The following FMN2 variants were observed in gnomAD, a reference collection of about 807,000 sequenced individuals.
FMN2 encodes the protein formin 2.
A neutral mutation model predicts 142.3 loss-of-function variants in FMN2; 51 were observed. The observed-to-expected ratio is 0.36, with a 90% CI of 0.29 to 0.45. The LOEUF is 0.45. Among genes scored for constraint, FMN2 ranks in the 20% least tolerant of loss-of-function variants. The pLI, the probability that FMN2 is intolerant of heterozygous loss-of-function variation, is 1.00. For synonymous variants in FMN2, 882 were observed against 869.8 expected (o/e 1.01, Z -0.25); for missense variants, 1,936 against 2,122.8 (o/e 0.91, Z 1.73).
chr1:240,285,780 A>G (rs1669569311), intron 7 of FMN2, among the ~76,000 whole-genome samples: 1 of 152,214 alleles, frequency 6.6e-6, no homozygotes, highest in African/African-American at 2.4e-5. Context: ...TGACTCAGTA[A>G]TCAGAGCAAA....
intron 15 of FMN2, among the ~76,000 whole-genome samples, chr1:240,411,448 G>A (rs1674386889): frequency 6.6e-6 from 1 of 151,938 alleles, no homozygotes; most frequent in Admixed American, 6.6e-5. Context: ...TCACATGCCT[G>A]TAATCCCAGC....
intron 14 of FMN2, among the ~76,000 whole-genome samples, chr1:240,369,211 G>A (rs1672783658): frequency 1.3e-5 from 2 of 151,854 alleles, no homozygotes; most frequent in African/African-American, 2.4e-5. Context: ...GTTTTTAGTT[G>A]AGATTTCACA....
At chr1:240,345,855 T>G (rs148856101) in intron 13 of FMN2, among the ~76,000 whole-genome samples, 37 of 152,258 alleles carry the variant, frequency 2.4e-4, no homozygotes, top group African/African-American at 8.7e-4. Flanking sequence ...TATACTCCAG[T>G]GCACAGGTGA....
chr1:240,164,072 A>T (rs1439826213), intron 2 of FMN2, among the ~76,000 whole-genome samples: 3 of 152,082 alleles, frequency 2.0e-5, no homozygotes, highest in Non-Finnish European at 4.4e-5. Flanking sequence ...AAATTTCTAA[A>T]TTTTTTTGTA....
At chr1:240,315,552 A>G (rs1670754673) in intron 8 of FMN2, among the ~76,000 whole-genome samples, 3 of 152,134 alleles carry the variant, frequency 2.0e-5, no homozygotes, top group Non-Finnish European at 4.4e-5. Context: ...TTGGCTCTGA[A>G]TTTCTTGTTT....
intron 2 of FMN2, chr1:240,145,530 ATTTTTTTTTTTTTTTTTTT>A: frequency 1.3e-5 from 1 of 79,130 alleles, no homozygotes; most frequent in Admixed American, 2.1e-4. Context: ...TTCTTTTTCT[ATTTTTTTTTTTTTTTTTTT>A]TTTTTTTTTT....
intron 7 of FMN2, among the ~76,000 whole-genome samples, chr1:240,263,830 T>TCTGATTCCTTC (rs1020889199): frequency 3.9e-5 from 6 of 152,202 alleles, no homozygotes; most frequent in Non-Finnish European, 8.8e-5. Context: ...TATGAATGGC[T>TCTGATTCCTTC]CTGATTCCTT....
chr1:240,252,449 G>T (rs1474384161), intron 6 of FMN2, among the ~76,000 whole-genome samples: 1 of 151,922 alleles, frequency 6.6e-6, no homozygotes, highest in Non-Finnish European at 1.5e-5. Flanking sequence ...CCAGTCTTTT[G>T]GTGATTAGTA....
intron 2 of FMN2, among the ~76,000 whole-genome samples, chr1:240,159,909 A>ATATATATATATATATATATATATTTG (rs1558328462): frequency 2.6e-5 from 2 of 78,242 alleles, no homozygotes; most frequent in African/African-American, 8.0e-5. Flanking sequence ...ATCTGTGTAT[A>ATATATATATATATATATATATATTTG]TATATATATA....
intron 2 of FMN2, among the ~76,000 whole-genome samples, chr1:240,140,882 C>T (rs1321475811): frequency 6.6e-6 from 1 of 152,010 alleles, no homozygotes; most frequent in Non-Finnish European, 1.5e-5. Context: ...TTAATATAGC[C>T]CAGTTCTCTT....
At chr1:240,358,939 C>G (rs995732359) in intron 14 of FMN2, among the ~76,000 whole-genome samples, 1 of 152,022 alleles carries the variant, frequency 6.6e-6, no homozygotes, top group Non-Finnish European at 1.5e-5. Flanking sequence ...GAGTTCGAGA[C>G]CAGCCTGAAA....
chr1:240,271,704 G>A (rs546113254), intron 7 of FMN2, among the ~76,000 whole-genome samples: 113 of 152,166 alleles, frequency 7.4e-4, no homozygotes, highest in Non-Finnish European at 1.3e-3. Flanking sequence ...TAGCCTTGTA[G>A]TGGAGAAAAG....
chr1:240,420,313 A>C lies in FMN2; in HGVS notation c.4911-17748A>C, dbSNP rs529280422. On this transcript the variant is annotated intron_variant, in intron 15 of 17. Coordinates refer to ENST00000319653, the MANE Select transcript of FMN2 (RefSeq NM_020066.5). ...CAGCTTCCACATTCCTTCCTCTTCC[A>C]TCTGCCAGGGCAACCCCAGCACACC... Among the ~76,000 whole-genome samples the C allele has an allele frequency of 2.4e-3, 371 of 152,142 alleles. 4 individuals carry two copies. Among genetic ancestry groups the C allele is most frequent in the Middle Eastern group, 0.014 (4 of 294 alleles).
intron 16 of FMN2, among the ~76,000 whole-genome samples, chr1:240,465,586 T>C (rs1676590559): frequency 1.3e-5 from 2 of 152,134 alleles, no homozygotes; most frequent in South Asian, 4.1e-4. Flanking sequence ...AGCTCCACAA[T>C]GCACTTAACC....
rs1321677711 is a variant in FMN2, at chr1:240,326,613, C to T, written c.4216-2463C>T. On this transcript the variant is annotated intron_variant, in intron 8 of 17. Transcript: ENST00000319653. ...GTAGGATTCTGGTCATTCAACCCCA[C>T]GTTGAGTCTATTCAACAGCTAGATT... 1.3e-5 allele frequency among the ~76,000 whole-genome samples: 2 copies of T among 152,100 alleles called. 1 individual carries two copies. The highest frequency in any genetic ancestry group is 4.1e-4 in the South Asian group (2 of 4,832).
At chr1:240,392,317 T>C (rs1014463192) in intron 14 of FMN2, among the ~76,000 whole-genome samples, 194 bp from the exon 15 acceptor site, 1 of 152,112 alleles carries the variant, frequency 6.6e-6, no homozygotes. Flanking sequence ...TATAATAAGA[T>C]CAACTTAATT....
intron 6 of FMN2, among the ~76,000 whole-genome samples, chr1:240,225,562 C>T (rs1219366313): frequency 6.6e-6 from 1 of 152,090 alleles, no homozygotes; most frequent in African/African-American, 2.4e-5. Context: ...ACCAGAAACA[C>T]AAGAAGCTCT....
intron 2 of FMN2, among the ~76,000 whole-genome samples, chr1:240,148,803 A>G (rs1034630022): frequency 6.6e-5 from 10 of 151,784 alleles, no homozygotes; most frequent in African/African-American, 2.4e-4. Context: ...ACATGGTGAA[A>G]CCCCTAAAAA....
intron 15 of FMN2, chr1:240,400,954 C>T (rs1361662753): frequency 6.6e-6 from 1 of 152,002 alleles, no homozygotes; most frequent in Non-Finnish European, 1.5e-5. Context: ...GAAATCCCAT[C>T]TCTACTAATA....
Sources: gnomAD v4.1 joint callset for allele counts (sites outside exome capture counted in the v4.1 genomes callset) on GRCh38, gnomAD v4.1.1 for gene constraint, MANE v1.5 for transcripts, NCBI Gene and HGNC (gene_info 2026-07-23, HGNC 2026-07-21) for gene names.